Variants in RGS22 observed in about 807,000 individuals in gnomAD.
RGS22 encodes regulator of G-protein signaling 22.
RGS22 carries 148 observed loss-of-function variants against 172.9 expected under a neutral mutation model. The ratio of observed to expected loss-of-function variants is 0.86; its 90% CI spans 0.75 to 0.98. The LOEUF is 0.98. RGS22 is among the 50% of genes least tolerant of loss of function. The pLI is 0.00. For missense variants in RGS22, 1,347 were observed against 1,440.8 expected, an observed-to-expected ratio of 0.93 and a Z score of 1.05; for synonymous variants, 458 against 480.2, an observed-to-expected ratio of 0.95 and a Z score of 0.60.
At chr8:100,100,258 A>G (rs1374183393) in intron 2 of RGS22, among the ~76,000 whole-genome samples, 1 of 151,452 alleles carries the variant, frequency 6.6e-6, no homozygotes, top group Non-Finnish European at 1.5e-5. Flanking sequence ...AATGGTTGTT[A>G]TCCTATATTT....
chr8:100,012,626 CAGAG>C lies in RGS22; in HGVS notation c.2167-4061_2167-4058del, dbSNP rs151165038. 1.7e-4 allele frequency among the ~76,000 whole-genome samples: 26 copies of C among 150,336 alleles called. 1 individual carries two copies. The highest frequency in any genetic ancestry group is 5.4e-4 in the African/African-American group (22 of 41,094). ...GAGAGAGAGAAAGAAAAGAAAGAAA[CAGAG>C]AGAGAGAGAGAGTTTTTGAAAGTAA... On this transcript the variant is annotated intron_variant, in intron 14 of 27. Coordinates refer to ENST00000360863, the MANE Select transcript of RGS22 (RefSeq NM_015668.5).
chr8:99,992,329 A>G (rs1813844910), intron 20 of RGS22, among the ~76,000 whole-genome samples: 1 of 152,218 alleles, frequency 6.6e-6, no homozygotes, highest in Non-Finnish European at 1.5e-5. Flanking sequence ...GGCAAATTGG[A>G]TAAAGAGTCA....
chr8:100,047,664 CA>C, intron 10 of RGS22, 68 bp from the exon 11 acceptor site: 1 of 1,369,994 alleles, frequency 7.3e-7, no homozygotes, highest in Non-Finnish European at 9.6e-7. Flanking sequence ...ACCTATACCT[CA>C]AATTTGTTCT....
rs565580896 is a variant in RGS22 at position 99,991,461 on chromosome 8, G to A, written c.3019-3842C>T. 5.1e-4 allele frequency among the ~76,000 whole-genome samples: 77 copies of A among 152,190 alleles called. 1 individual carries two copies. In the South Asian group the frequency reaches 0.016, roughly 31 times the overall value. On this transcript the variant is annotated intron_variant, in intron 20 of 27. Coordinates refer to ENST00000360863, the MANE Select transcript of RGS22 (RefSeq NM_015668.5). ...CTGAAAACCATGGCACGAGAACTTC[G>A]CGACGCATGCACAAGCTTCAATAGC...
chr8:100,054,724 G>C (rs1387566815), intron 9 of RGS22, among the ~76,000 whole-genome samples: 2 of 152,182 alleles, frequency 1.3e-5, no homozygotes, highest in African/African-American at 4.8e-5. Flanking sequence ...ATTTGGTATA[G>C]ATCTCTGTGG....
intron 14 of RGS22, among the ~76,000 whole-genome samples, chr8:100,035,727 G>A (rs1167169163): frequency 6.6e-6 from 1 of 152,268 alleles, no homozygotes; most frequent in East Asian, 1.9e-4. Flanking sequence ...ATCAATGATA[G>A]ACTGGATTAA....
intron 4 of RGS22, among the ~76,000 whole-genome samples, chr8:100,077,873 T>C (rs1811466567): frequency 6.6e-6 from 1 of 152,212 alleles, no homozygotes; most frequent in South Asian, 2.1e-4. Context: ...TTCTATCAGC[T>C]TTTGCATCAT....
intron 4 of RGS22, among the ~76,000 whole-genome samples, chr8:100,073,124 T>C (rs997586954): frequency 1.3e-5 from 2 of 152,230 alleles, no homozygotes; most frequent in Non-Finnish European, 2.9e-5. Flanking sequence ...ATCAGTACCT[T>C]GGACACAAAA....
Position 99,978,283 on chromosome 8 carries a change from A to G in RGS22, c.3361-208T>C, listed in dbSNP as rs140049486. On this transcript the variant is annotated intron_variant, in intron 22 of 27. Coordinates refer to ENST00000360863, the MANE Select transcript of RGS22 (RefSeq NM_015668.5). ...CCAATGAGAAGTCTTTCTTTTAAAA[A>G]AAAATACATTAAATACACTTAAAAG... is the stretch of plus-strand genomic sequence containing the variant. 8.0e-3 allele frequency among the ~76,000 whole-genome samples: 1,217 copies of G among 152,326 alleles called. 11 individuals are homozygous for G. Among genetic ancestry groups the G allele is most frequent in the Non-Finnish European group, 0.014 (922 of 68,022 alleles).
At chr8:99,977,783 G>A (rs1812135183) in intron 23 of RGS22, 134 bp downstream of exon 23, 1 of 663,872 alleles carries the variant, frequency 1.5e-6, no homozygotes, top group Non-Finnish European at 2.4e-6. Flanking sequence ...GCTTCTGACT[G>A]AAGGCTTAAA....
At position 100,062,613 on chromosome 8, in the gene RGS22, A is replaced by C; in HGVS notation, c.1492T>G (p.Leu498Val). 1 of 1,603,364 alleles carries C rather than the reference A, an allele frequency of 6.2e-7. No homozygotes were observed. The highest frequency in any genetic ancestry group is 1.1e-5 in the South Asian group (1 of 89,874). ...EHLRNIQSEV[L>V]KPLLLYWAPR... ...TACCAATACAGAAGTAAAGGTTTTA[A>C]AACTTCAGACTGAATATTTCTTAAA... is the stretch of plus-strand genomic sequence containing the variant. The change falls in exon 9 of 28, where the codon TTA becomes GTA. Residue 498 changes from leucine (L) to valine (V), a missense_variant. By Grantham distance (32) the Leu-to-Val change is conservative. Coordinates refer to ENST00000360863, the MANE Select transcript of RGS22 (RefSeq NM_015668.5).
chr8:100,078,400 A>C (rs1372929238), intron 4 of RGS22, among the ~76,000 whole-genome samples: 1 of 150,576 alleles, frequency 6.6e-6, no homozygotes, highest in African/African-American at 2.4e-5. Flanking sequence ...CATCATGACA[A>C]CTCAATATGA....
At chr8:100,085,671 C>A (rs1297569611) in intron 3 of RGS22, among the ~76,000 whole-genome samples, 1 of 152,174 alleles carries the variant, frequency 6.6e-6, no homozygotes, top group Non-Finnish European at 1.5e-5. Context: ...ATGTTTAACA[C>A]TAGAATCACC....
chr8:100,063,961 T>C lies in RGS22; in HGVS notation c.807A>G (p.Glu269=), dbSNP rs1563690109. 2 of 1,575,432 alleles carry C rather than the reference T, an allele frequency of 1.3e-6. No individual in the cohort carries two copies. The highest frequency in any genetic ancestry group is 2.3e-5 in the East Asian group (1 of 44,372). The part of the protein sequence containing the change: ...SKTNKLISEF[E]EEEGEEEEVS... ...CCTCTTCTTCTTCTCCTTCTTCTTC[T>C]TCAAATTCAGAAATCAATTTGTTGG... is the stretch of plus-strand genomic sequence containing the variant. The change falls in exon 8 of 28, where the codon GAA becomes GAG. Residue 269 remains glutamate, a synonymous_variant. Transcript: ENST00000360863.
intron 4 of RGS22, among the ~76,000 whole-genome samples, chr8:100,078,233 ATATTAT>A (rs1811499250): frequency 6.6e-6 from 1 of 151,738 alleles, no homozygotes; most frequent in Non-Finnish European, 1.5e-5. Context: ...TTATTGATGT[ATATTAT>A]TATTATCATT....
Position 99,962,694 on chromosome 8 carries a change from G to T in RGS22, c.3783C>A (p.Ser1261Arg). 1 of 1,606,052 alleles carries T rather than the reference G, an allele frequency of 6.2e-7. No homozygotes were observed. The change falls in exon 26 of 28, where the codon AGC (serine) becomes AGA (arginine). Residue 1261 changes from serine to arginine, a missense_variant. By Grantham distance (110) the Ser-to-Arg change is moderately radical (BLOSUM62 -1). Transcript: ENST00000360863. ...MSLKKNMSAH[S>R]SQK Reference sequence around the variant, plus strand: ...ACTACACTGGAAACTCACTCTGGCTGCTGTGGGCAGACATATTCTTTTTCA... The same window carrying T: ...ACTACACTGGAAACTCACTCTGGCTTCTGTGGGCAGACATATTCTTTTTCA...
intron 2 of RGS22, among the ~76,000 whole-genome samples, chr8:100,094,674 G>A (rs1812831736): frequency 6.6e-6 from 1 of 152,198 alleles, no homozygotes; most frequent in Admixed American, 6.5e-5. Context: ...CTCAAAGAAA[G>A]TCCTGATTGG....
At chr8:100,031,543 C>G (rs140957412) in intron 14 of RGS22, among the ~76,000 whole-genome samples, 1 of 151,992 alleles carries the variant, frequency 6.6e-6, no homozygotes, top group South Asian at 2.1e-4. Context: ...GTTTTTTCCT[C>G]CTTCCCATTT....
At chr8:99,965,548 T>G (rs1192483948) in intron 23 of RGS22, 118 bp from the exon 24 acceptor site, 2 of 658,722 alleles carry the variant, frequency 3.0e-6, no homozygotes, top group African/African-American at 3.6e-5. Flanking sequence ...GTGCTGCACT[T>G]AAGGTTTCAT....
Sources: allele counts gnomAD v4.1 joint callset (sites outside exome capture counted in the v4.1 genomes callset), GRCh38; gene constraint gnomAD v4.1.1; transcripts MANE v1.5; gene names NCBI Gene and HGNC (gene_info 2026-07-23, HGNC 2026-07-21).